Variants in RELN observed in about 807,000 individuals in gnomAD.
RELN encodes the protein reelin.
Under a neutral mutation model 427.6 loss-of-function variants are expected in RELN, and 108 were observed. The observed-to-expected ratio is 0.25, with a 90% confidence interval of 0.22 to 0.30. RELN has a LOEUF of 0.30. Among genes scored for constraint, RELN ranks in the 10% least tolerant of loss-of-function variants. The probability of loss-of-function intolerance (pLI) is 1.00; values close to 1 mark genes in which losing one functional copy is unlikely to be tolerated. For missense variants in RELN, 3,715 were observed against 4,302.8 expected (o/e 0.86, Z 3.82); for synonymous variants, 1,524 against 1,513.4 (o/e 1.01, Z -0.16).
Position 103,626,669 on chromosome 7 carries a change from A to G in RELN, c.2702+3271T>C, listed in dbSNP as rs906470345. Among the ~76,000 whole-genome samples the G allele has an allele frequency of 1.3e-5, 2 of 152,108 alleles. No homozygotes were observed. The highest frequency in any genetic ancestry group is 2.1e-4 in the South Asian group (1 of 4,822). On this transcript the variant is annotated intron_variant, in intron 20 of 64. Coordinates refer to ENST00000428762, the MANE Select transcript of RELN (RefSeq NM_005045.4). The surrounding 1 kb of genome is among the most constrained non-coding windows in gnomAD (Gnocchi z 4.4). Reference sequence around the variant, plus strand: ...GTACACATTTTAAAACCCAAACTCTATATTTAATACGACAGCAATTTCCTT... The same window carrying G: ...GTACACATTTTAAAACCCAAACTCTGTATTTAATACGACAGCAATTTCCTT...
At chr7:103,782,063 A>C (rs1485128433) in intron 3 of RELN, among the ~76,000 whole-genome samples, 5 of 152,192 alleles carry the variant, frequency 3.3e-5, no homozygotes, top group African/African-American at 4.8e-5. Flanking sequence ...TCTCTAAGGC[A>C]AACTTGCCAA....
intron 41 of RELN, among the ~76,000 whole-genome samples, chr7:103,548,332 G>A (rs1830344053): frequency 6.6e-6 from 1 of 151,982 alleles, no homozygotes; most frequent in Non-Finnish European, 1.5e-5. Flanking sequence ...ATGGATTTTT[G>A]TATATATATA....
In RELN at chr7:103,545,120, C is replaced by T; in HGVS notation, c.6523+4G>A. 1.2e-6 allele frequency: 2 copies of T among 1,611,180 alleles called. No individual in the cohort carries two copies. The highest frequency in any genetic ancestry group is 2.2e-5 in the South Asian group (2 of 90,992). On this transcript the variant is annotated splice_donor_region_variant and intron_variant, in intron 42 of 64. Transcript: ENST00000428762. ...ACTACATAGAATTTGTAAGAAAAGA[C>T]TACCTTCGAAATCATCTTTGAGAAA...
chr7:103,963,093 C>A (rs1796593267), intron 1 of RELN, among the ~76,000 whole-genome samples: 1 of 150,734 alleles, frequency 6.6e-6, no homozygotes, highest in African/African-American at 2.4e-5. Flanking sequence ...CGAAACCAGG[C>A]TGCCTTAGAC....
chr7:103,838,919 A>G (rs1261024066), intron 2 of RELN, among the ~76,000 whole-genome samples: 1 of 152,220 alleles, frequency 6.6e-6, no homozygotes, highest in East Asian at 1.9e-4. Context: ...ATTCTAGCAT[A>G]GTTCTCCCAG....
intron 10 of RELN, among the ~76,000 whole-genome samples, chr7:103,694,414 A>T (rs1833934358): frequency 1.3e-5 from 2 of 151,928 alleles, no homozygotes; most frequent in African/African-American, 2.4e-5. Context: ...ACATATGAAA[A>T]ATGGGACTAA....
At chr7:103,774,147 A>C (rs1360786559) in intron 4 of RELN, among the ~76,000 whole-genome samples, 3 of 151,950 alleles carry the variant, frequency 2.0e-5, no homozygotes, top group Non-Finnish European at 1.5e-5. Context: ...AATACAAAAA[A>C]TTAGCCGGGT....
intron 4 of RELN, among the ~76,000 whole-genome samples, chr7:103,773,056 G>A (rs917239275): frequency 2.6e-5 from 4 of 152,074 alleles, no homozygotes; most frequent in Non-Finnish European, 4.4e-5. Flanking sequence ...CTGATGTGAG[G>A]TGGATCAGCG....
At chr7:103,808,676 T>C (rs993114692) in intron 3 of RELN, among the ~76,000 whole-genome samples, 1 of 152,016 alleles carries the variant, frequency 6.6e-6, no homozygotes, top group Non-Finnish European at 1.5e-5. Context: ...CTTGGAAATT[T>C]GAAATACTAT....
chr7:103,630,199 A>C, intron 19 of RELN, 23 bp from the exon 20 acceptor site: 1 of 1,495,046 alleles, frequency 6.7e-7, no homozygotes, highest in South Asian at 1.1e-5. Flanking sequence ...AAAAAGTCAA[A>C]ATTTAGATTA....
At chr7:103,893,840 ATAGAG>A (rs979491800) in intron 2 of RELN, among the ~76,000 whole-genome samples, 1 of 152,128 alleles carries the variant, frequency 6.6e-6, no homozygotes, top group Non-Finnish European at 1.5e-5. Context: ...GATCACTAAG[ATAGAG>A]TAATGTGTAT....
intron 53 of RELN, among the ~76,000 whole-genome samples, chr7:103,499,994 T>C (rs779445932): frequency 6.6e-6 from 1 of 152,222 alleles, no homozygotes; most frequent in African/African-American, 2.4e-5. Context: ...TTCAATTCCA[T>C]AGTTGAAGTA....
chr7:103,623,684 A>C (rs1171754337), intron 20 of RELN, among the ~76,000 whole-genome samples: 1 of 152,184 alleles, frequency 6.6e-6, no homozygotes, highest in Admixed American at 6.5e-5. Flanking sequence ...GCAAACACAT[A>C]TTCCTATTTC....
Position 103,515,416 on chromosome 7 carries a change from C to T in RELN, c.7888G>A (p.Asp2630Asn), listed in dbSNP as rs760587518. ...PGFVNILLPPDAKEIATRFRW... is the reference protein window; with the variant it reads ...PGFVNILLPPNAKEIATRFRW... ...AAGCGAGTGGCAATCTCTTTAGCAT[C>T]AGGAGGGAGAAGGATATTCACAAAT... is the stretch of plus-strand genomic sequence containing the variant. Residue 2630 changes from aspartate (D) to asparagine (N), a missense_variant, in exon 50 of 65, where the codon GAT becomes AAT. Around this residue, in one of 4 missense-constraint regions of RELN, gnomAD observed 1,310 missense variants for 1,643.0 expected, o/e 0.80. Transcript: ENST00000428762. The T allele has an allele frequency of 1.2e-5, 19 of 1,613,918 alleles. No individual in the cohort carries two copies. The East Asian group carries it at 2.7e-4, about 23-fold the overall frequency.
intron 2 of RELN, among the ~76,000 whole-genome samples, chr7:103,898,572 A>AT (rs1325093207): frequency 2.0e-5 from 3 of 152,050 alleles, no homozygotes; most frequent in African/African-American, 7.2e-5. Flanking sequence ...ATAAATATCT[A>AT]TTTTTTAGCA....
At chr7:103,688,751 A>G (rs1833812795) in intron 10 of RELN, among the ~76,000 whole-genome samples, 1 of 152,124 alleles carries the variant, frequency 6.6e-6, no homozygotes, top group African/African-American at 2.4e-5. Flanking sequence ...AGACTTGCCT[A>G]GTGTCCACTG....
intron 3 of RELN, among the ~76,000 whole-genome samples, chr7:103,816,958 T>C (rs1252087768): frequency 2.6e-5 from 4 of 152,102 alleles, no homozygotes; most frequent in Non-Finnish European, 4.4e-5. Flanking sequence ...TTCAAGCGAT[T>C]CTCCTGCCCC....
intron 1 of RELN, among the ~76,000 whole-genome samples, chr7:103,982,915 T>G (rs1352698705): frequency 6.6e-6 from 1 of 152,158 alleles, no homozygotes; most frequent in Non-Finnish European, 1.5e-5. Flanking sequence ...CCTGTCTCAG[T>G]CTCCAAAGTA....
intron 20 of RELN, among the ~76,000 whole-genome samples, 170 bp downstream of exon 20, chr7:103,629,770 G>T (rs920436227): frequency 6.6e-6 from 1 of 152,072 alleles, no homozygotes; most frequent in Non-Finnish European, 1.5e-5. Flanking sequence ...AACAAGTAGG[G>T]TTGTGTAGAC....
Sources: allele counts gnomAD v4.1 joint callset (sites outside exome capture counted in the v4.1 genomes callset), GRCh38; gene constraint gnomAD v4.1.1; regional missense constraint gnomAD v4.1.1; non-coding constraint Gnocchi (gnomAD v3.1); transcripts MANE v1.5; gene names NCBI Gene and HGNC (gene_info 2026-07-23, HGNC 2026-07-21).